PRKD1: variants seen among roughly 807,000 people sequenced by gnomAD.
PRKD1 encodes the protein serine/threonine-protein kinase D1.
PRKD1 carries 63 observed loss-of-function variants against 95.9 expected under a neutral mutation model. The ratio of observed to expected loss-of-function variants is 0.66; its 90% CI spans 0.54 to 0.81. PRKD1 has a LOEUF of 0.81. PRKD1 is among the 30% of genes least tolerant of loss of function. PRKD1 has a pLI of 0.00. For missense variants in PRKD1, 1,048 were observed against 1,165.3 expected (o/e 0.90, Z 1.47); for synonymous variants, 425 against 423.1 (o/e 1.00, Z -0.05).
intron 1 of PRKD1, among the ~76,000 whole-genome samples, chr14:29,885,124 T>TTTTAAAAA (rs1232960518): frequency 2.3e-5 from 3 of 131,070 alleles, no homozygotes; most frequent in African/African-American, 8.5e-5. Flanking sequence ...CTCCATCTTT[T>TTTTAAAAA]AAAAAAAAAA....
chr14:29,790,336 T>C (rs1011704987), intron 1 of PRKD1, among the ~76,000 whole-genome samples: 1 of 152,110 alleles, frequency 6.6e-6, no homozygotes, highest in Non-Finnish European at 1.5e-5. Flanking sequence ...AATTATTACT[T>C]AGATTTCATC....
chr14:29,877,635 C>A (rs1201370825), intron 1 of PRKD1, among the ~76,000 whole-genome samples: 1 of 152,152 alleles, frequency 6.6e-6, no homozygotes, highest in Non-Finnish European at 1.5e-5. Flanking sequence ...ACATTTAAGT[C>A]TTTAATCCAT....
intron 2 of PRKD1, among the ~76,000 whole-genome samples, chr14:29,714,591 A>G (rs1384795418): frequency 6.6e-6 from 1 of 152,236 alleles, no homozygotes; most frequent in African/African-American, 2.4e-5. Flanking sequence ...CATTTGAACC[A>G]GCAATCCCAT....
chr14:29,918,986 T>C (rs74040635), intron 1 of PRKD1, among the ~76,000 whole-genome samples: 8,054 of 152,320 alleles, frequency 0.053, 242 homozygotes, highest in South Asian at 0.093. Context: ...TTATAATATA[T>C]GCGGGGAAAA....
Position 29,578,329 on chromosome 14 carries a change from TA to T in PRKD1, c.2465del (p.Val822GlufsTer3). Reference protein sequence around the residue: ...AIDLINNLLQVKMRKRYSVDK... With the variant: ...AIDLINNLLQXKMRKRYSVDK... ...CCACACTGTAGCGCTTTCTCATTTT[TA>T]CTTGCAGCAAATTGTTGATAAGATC... is the stretch of plus-strand genomic sequence containing the variant. On this transcript the variant is annotated frameshift_variant, in exon 17 of 18. Coordinates refer to ENST00000331968, the MANE Select transcript of PRKD1 (RefSeq NM_002742.3). LOFTEE classifies it high-confidence loss of function. 6.2e-7 allele frequency: 1 copy of T among 1,611,184 alleles called. No individual in the cohort carries two copies. Among genetic ancestry groups the T allele is most frequent in the Non-Finnish European group, 8.5e-7 (1 of 1,178,784 alleles).
intron 4 of PRKD1, among the ~76,000 whole-genome samples, chr14:29,646,767 C>CAAA (rs1566510954): frequency 5.3e-5 from 8 of 150,018 alleles, no homozygotes; most frequent in African/African-American, 1.7e-4. Flanking sequence ...AAAAAAAAAC[C>CAAA]CACACAGTCA....
chr14:29,651,661 TTC>T (rs1881508451), intron 4 of PRKD1, among the ~76,000 whole-genome samples: 2 of 152,020 alleles, frequency 1.3e-5, no homozygotes, highest in African/African-American at 4.8e-5. Context: ...TTTTTTTTTT[TTC>T]CTGGGTAGCC....
chr14:29,913,234 T>C (rs374479752), intron 1 of PRKD1, among the ~76,000 whole-genome samples: 2 of 152,236 alleles, frequency 1.3e-5, no homozygotes. Context: ...ATGGTTAATA[T>C]ACATGATTTG....
intron 1 of PRKD1, among the ~76,000 whole-genome samples, chr14:29,755,334 C>T (rs977076959): frequency 1.3e-5 from 2 of 152,088 alleles, no homozygotes; most frequent in African/African-American, 4.8e-5. Flanking sequence ...TACTAAATTT[C>T]TCCATAAAAT....
intron 1 of PRKD1, among the ~76,000 whole-genome samples, chr14:29,866,394 A>G (rs1381186441): frequency 1.3e-5 from 2 of 152,248 alleles, no homozygotes; most frequent in Non-Finnish European, 2.9e-5. Context: ...GCAGCTATAC[A>G]TGAGAAAAAT....
chr14:29,861,675 T>C (rs994359013), intron 1 of PRKD1, among the ~76,000 whole-genome samples: 1 of 152,148 alleles, frequency 6.6e-6, no homozygotes, highest in Admixed American at 6.6e-5. Context: ...TTTTCTGAGA[T>C]GGAGTCTTGC....
intron 4 of PRKD1, among the ~76,000 whole-genome samples, chr14:29,654,360 G>A (rs1442253635): frequency 6.6e-6 from 1 of 151,952 alleles, no homozygotes; most frequent in African/African-American, 2.4e-5. Context: ...TTTTAGTAGA[G>A]GCAGGGTTTC....
rs45572138 is a variant in PRKD1 at position 29,624,400 on chromosome 14, A to T, written c.1799-142T>A. On this transcript the variant is annotated intron_variant, in intron 12 of 17. Coordinates refer to ENST00000331968, the MANE Select transcript of PRKD1 (RefSeq NM_002742.3). ...ACATTTCTAAAGAGCACTGACTTAC[A>T]TATATATATATAAAGATTTCATTAT... 1,701 of 396,042 alleles carry T rather than the reference A, an allele frequency of 4.3e-3. 21 individuals carry two copies. Among genetic ancestry groups the T allele is most frequent in the African/African-American group, 0.041 (1,574 of 38,568 alleles). 24.5% of individuals were successfully genotyped at this position (396,042 alleles called of 1,614,324 possible).
At chr14:29,865,037 T>C (rs923013442) in intron 1 of PRKD1, among the ~76,000 whole-genome samples, 3 of 152,206 alleles carry the variant, frequency 2.0e-5, no homozygotes, top group African/African-American at 7.2e-5. Flanking sequence ...ACAAGTCACA[T>C]GTGCCAACAA....
chr14:29,603,672 C>T (rs1893602614), intron 13 of PRKD1, among the ~76,000 whole-genome samples: 1 of 151,974 alleles, frequency 6.6e-6, no homozygotes, highest in African/African-American at 2.4e-5. Flanking sequence ...AAACCATTTC[C>T]TCCTAATGTC....
intron 2 of PRKD1, among the ~76,000 whole-genome samples, chr14:29,693,863 C>T (rs1216835221): frequency 6.6e-6 from 1 of 152,160 alleles, no homozygotes; most frequent in Non-Finnish European, 1.5e-5. Context: ...CAAAAGAGAA[C>T]TTAGTCCATT....
intron 1 of PRKD1, among the ~76,000 whole-genome samples, chr14:29,899,942 C>T (rs1894265676): frequency 6.6e-6 from 1 of 152,154 alleles, no homozygotes; most frequent in Non-Finnish European, 1.5e-5. Flanking sequence ...CTCATGAGAT[C>T]TGATGGTTTT....
At position 29,704,924 on chromosome 14, in the gene PRKD1, G is replaced by A. The variant is rs150007597; in HGVS notation, c.403+20612C>T. Among the ~76,000 whole-genome samples the A allele has an allele frequency of 5.5e-3, 841 of 152,022 alleles. 6 individuals carry two copies. Among genetic ancestry groups the A allele is most frequent in the African/African-American group, 0.019 (795 of 41,482 alleles). On this transcript the variant is annotated intron_variant, in intron 2 of 17. Transcript: ENST00000331968. ...CACAAATAGACTCACACACAATTCG[G>A]TCCATGTGATATTTGTCCTATCAAG...
intron 1 of PRKD1, among the ~76,000 whole-genome samples, chr14:29,840,187 A>C (rs937459814): frequency 6.6e-5 from 10 of 152,114 alleles, no homozygotes; most frequent in Admixed American, 6.5e-4. Flanking sequence ...CAATGCTTCG[A>C]TGCTTGGAAA....
Sources: gnomAD v4.1 joint callset for allele counts (sites outside exome capture counted in the v4.1 genomes callset) on GRCh38, gnomAD v4.1.1 for gene constraint, MANE v1.5 for transcripts, NCBI Gene and HGNC (gene_info 2026-07-23, HGNC 2026-07-21) for gene names.